The following ERCC8 variants were observed in gnomAD, a reference collection of about 807,000 sequenced individuals.
ERCC8 encodes DNA excision repair protein ERCC-8.
A neutral mutation model predicts 54.9 loss-of-function variants in ERCC8; 52 were observed. The observed-to-expected ratio is 0.95, with a 90% CI of 0.76 to 1.19. The LOEUF (loss-of-function observed/expected upper bound fraction) is 1.19. ERCC8 is among the 50% of genes most tolerant of loss of function. The probability of loss-of-function intolerance (pLI) is 0.00; values close to 1 mark genes in which losing one functional copy is unlikely to be tolerated. For missense variants in ERCC8, 514 were observed against 466.1 expected (o/e 1.10, Z -0.95); for synonymous variants, 146 against 157.2 (o/e 0.93, Z 0.53).
At chr5:60,908,118 T>C (rs983666141) in intron 4 of ERCC8, among the ~76,000 whole-genome samples, 1 of 152,206 alleles carries the variant, frequency 6.6e-6, no homozygotes, top group Admixed American at 6.5e-5. Flanking sequence ...TTTGTCTTCA[T>C]GGTCTTGTTC....
chr5:60,896,838 T>C (rs1278781695), intron 9 of ERCC8, among the ~76,000 whole-genome samples: 2 of 152,202 alleles, frequency 1.3e-5, no homozygotes, highest in Admixed American at 6.5e-5. Context: ...ACAATTTATA[T>C]ATACATTCAG....
intron 4 of ERCC8, chr5:60,915,218 C>G (rs1441103364): frequency 7.9e-5 from 12 of 152,014 alleles, no homozygotes; most frequent in Admixed American, 7.9e-4. Flanking sequence ...AGATGTCAGT[C>G]TTCTTCTATT....
intron 5 of ERCC8, among the ~76,000 whole-genome samples, chr5:60,904,547 C>T (rs1314276937): frequency 6.7e-6 from 1 of 148,406 alleles, no homozygotes; most frequent in Non-Finnish European, 1.5e-5. Flanking sequence ...TCTCTGAATC[C>T]TGGCCACAGC....
chr5:60,876,692 T>C (rs148706681), intron 11 of ERCC8, among the ~76,000 whole-genome samples: 3,741 of 152,282 alleles, frequency 0.025, 63 homozygotes, highest in Non-Finnish European at 0.038. Flanking sequence ...TGAGAAGTGT[T>C]TGTTCATATC....
At chr5:60,932,867 G>A (rs1749949737) in intron 1 of ERCC8, among the ~76,000 whole-genome samples, 1 of 152,092 alleles carries the variant, frequency 6.6e-6, no homozygotes, top group South Asian at 2.1e-4. Context: ...AGGAGGGAGG[G>A]TAAAAAGGGA....
At chr5:60,911,949 A>G (rs958463271) in intron 4 of ERCC8, among the ~76,000 whole-genome samples, 5 of 152,098 alleles carry the variant, frequency 3.3e-5, no homozygotes, top group African/African-American at 4.8e-5. Flanking sequence ...CCATAGGTCT[A>G]TATCTCTGTT....
Position 60,928,870 on chromosome 5 carries a change from C to A in ERCC8, c.167G>T (p.Gly56Val). 1 of 1,574,164 alleles carries A rather than the reference C, an allele frequency of 6.4e-7. No homozygotes were observed. Among genetic ancestry groups the A allele is most frequent in the Non-Finnish European group, 8.7e-7 (1 of 1,145,216 alleles). ...INTLDIEPVE[G>V]RYMLSGGSDG... ...ACAAGTATAATAAACTTACTATCTC[C>A]CTTCAACAGGTTCAATGTCAAGGGT... The change falls in exon 2 of 12, where the codon GGG (glycine) becomes GTG (valine). Residue 56 changes from glycine (G) to valine (V), a missense_variant. Gly to Val is a moderately radical substitution (Grantham distance 109). Coordinates refer to ENST00000676185, the MANE Select transcript of ERCC8 (RefSeq NM_000082.4).
intron 1 of ERCC8, among the ~76,000 whole-genome samples, chr5:60,935,635 C>G (rs1750041477): frequency 6.6e-6 from 1 of 151,834 alleles, no homozygotes. Context: ...GGGAATGCTT[C>G]CCAACTTTTC....
intron 11 of ERCC8, among the ~76,000 whole-genome samples, chr5:60,880,345 T>C (rs927294171): frequency 6.6e-6 from 1 of 152,202 alleles, no homozygotes; most frequent in East Asian, 1.9e-4. Flanking sequence ...TTATGTGTCT[T>C]GGAGTTGCTC....
intron 9 of ERCC8, among the ~76,000 whole-genome samples, chr5:60,891,384 CG>C (rs1748544306): frequency 1.3e-5 from 2 of 151,940 alleles, no homozygotes; most frequent in Non-Finnish European, 2.9e-5. Flanking sequence ...ATTAAAAAAA[CG>C]TAAGACATTA....
rs1561519358 is a variant in ERCC8 at position 60,938,349 on chromosome 5, A to ATTT, written c.77+6582_77+6583insAAA. Among the ~76,000 whole-genome samples the ATTT allele has an allele frequency of 4.6e-5, 5 of 108,766 alleles. 2 individuals are homozygous for ATTT. The highest frequency in any genetic ancestry group is 1.7e-5 in the Non-Finnish European group (1 of 57,454). The allele number at this position is 108,766 out of a possible 152,430, so 71.4% of individuals were successfully genotyped here. A position where few individuals can be genotyped will look rare whatever the true frequency, so the allele number is the denominator to read the frequency against. On this transcript the variant is annotated intron_variant, in intron 1 of 11. Transcript: ENST00000676185. ...GGCCTGTAAGATAGCTACCTTTTTG[A>ATTT]ATTTTTTTTTTTTTTTTTTTTTTGA...
chr5:60,938,669 T>C (rs1044232524), intron 1 of ERCC8, among the ~76,000 whole-genome samples: 2 of 152,228 alleles, frequency 1.3e-5, no homozygotes, highest in African/African-American at 4.8e-5. Flanking sequence ...TGTTAAAGTT[T>C]GCTTAGTGGC....
At chr5:60,893,581 G>A (rs1748632620) in intron 9 of ERCC8, 2 of 659,248 alleles carry the variant, frequency 3.0e-6, no homozygotes, top group South Asian at 3.4e-5. Flanking sequence ...TCATCATCAT[G>A]ATCAGCTTGA....
intron 1 of ERCC8, among the ~76,000 whole-genome samples, chr5:60,936,026 G>C (rs1042609026): frequency 6.6e-6 from 1 of 152,146 alleles, no homozygotes; most frequent in Non-Finnish European, 1.5e-5. Context: ...TTTGGTATTA[G>C]CATGATATTG....
chr5:60,911,387 A>G (rs1749255555), intron 4 of ERCC8, among the ~76,000 whole-genome samples: 1 of 151,070 alleles, frequency 6.6e-6, no homozygotes, highest in African/African-American at 2.4e-5. Context: ...GGCTGCATAA[A>G]TGTCTTCTTT....
intron 11 of ERCC8, among the ~76,000 whole-genome samples, chr5:60,877,642 G>A (rs1330226565): frequency 6.6e-6 from 1 of 152,144 alleles, no homozygotes; most frequent in Non-Finnish European, 1.5e-5. Context: ...AAGCAATTGT[G>A]AATGGAAGTT....
At chr5:60,888,473 G>C (rs1471449021) in intron 10 of ERCC8, among the ~76,000 whole-genome samples, 2 of 152,168 alleles carry the variant, frequency 1.3e-5, no homozygotes, top group Non-Finnish European at 2.9e-5. Flanking sequence ...AACTTGGTCA[G>C]ATAAGCTTAT....
intron 9 of ERCC8, among the ~76,000 whole-genome samples, chr5:60,897,853 T>C (rs1274746272): frequency 6.6e-6 from 1 of 152,234 alleles, no homozygotes; most frequent in African/African-American, 2.4e-5. Context: ...AATGTTCCAA[T>C]GAGCACTTCC....
intron 11 of ERCC8, among the ~76,000 whole-genome samples, chr5:60,876,196 A>G (rs1236301514): frequency 1.3e-5 from 2 of 152,206 alleles, no homozygotes; most frequent in Non-Finnish European, 2.9e-5. Flanking sequence ...ATGTCCCTGC[A>G]GAGGACATGA....
Sources: allele counts gnomAD v4.1 joint callset (sites outside exome capture counted in the v4.1 genomes callset), GRCh38; gene constraint gnomAD v4.1.1; transcripts MANE v1.5; gene names NCBI Gene and HGNC (gene_info 2026-07-23, HGNC 2026-07-21).